ENOX2: variants seen among roughly 807,000 people sequenced by gnomAD.
ENOX2 encodes APK1 antigen.
ENOX2 carries 36 observed loss-of-function variants against 45.0 expected under a neutral mutation model. The ratio of observed to expected loss-of-function variants is 0.80; its 90% CI spans 0.61 to 1.06. ENOX2 has a LOEUF of 1.06. Among genes scored for constraint, ENOX2 ranks in the 50% least tolerant of loss-of-function variants. The pLI is 0.00. For synonymous variants in ENOX2, 174 were observed against 152.3 expected (o/e 1.14, Z -1.05); for missense variants, 423 against 462.5 (o/e 0.91, Z 0.78).
intron 2 of ENOX2, among the ~76,000 whole-genome samples, chrX:130,799,332 G>A (rs897512262): frequency 8.9e-6 from 1 of 111,919 alleles, no homozygotes; most frequent in Non-Finnish European, 1.9e-5. Context: ...TCAGGCCTTT[G>A]GCCACAGACT....
intron 12 of ENOX2, among the ~76,000 whole-genome samples, chrX:130,632,562 A>G (rs1289867217): frequency 1.8e-5 from 2 of 111,842 alleles, no homozygotes; most frequent in African/African-American, 6.5e-5. Flanking sequence ...TACTGCTGAA[A>G]AGAAAATGCT....
At position 130,688,858 on chromosome X, in the gene ENOX2, A is replaced by G. The variant is rs756197989; in HGVS notation, c.253+5T>C. 8.5e-7 allele frequency: 1 copy of G among 1,179,925 alleles called. No individual in the cohort carries two copies. The highest frequency in any genetic ancestry group is 1.1e-6 in the Non-Finnish European group (1 of 874,200). On this transcript the variant is annotated splice_donor_5th_base_variant and intron_variant, in intron 5 of 14. Transcript: ENST00000394363. The stretch of plus-strand genomic sequence containing the variant: ...TCTTGTGTGGAGAAAAAAGCAGAAT[A>G]TTACTTGGATTTGGAGGGAAGAGCG...
intron 3 of ENOX2, among the ~76,000 whole-genome samples, chrX:130,751,099 A>C (rs1014359395): frequency 9.0e-6 from 1 of 111,653 alleles, no homozygotes; most frequent in African/African-American, 3.3e-5. Context: ...AATTAAGTAC[A>C]TTCACACTGT....
intron 2 of ENOX2, among the ~76,000 whole-genome samples, chrX:130,869,930 C>T (rs2078545763): frequency 1.8e-5 from 2 of 112,226 alleles, no homozygotes; most frequent in African/African-American, 6.5e-5. Flanking sequence ...CAGTAGTATG[C>T]AGGCCTTGCT....
intron 2 of ENOX2, among the ~76,000 whole-genome samples, chrX:130,863,612 A>T (rs940886452): frequency 4.5e-5 from 5 of 112,303 alleles, no homozygotes; most frequent in African/African-American, 1.3e-4. Flanking sequence ...TCATGAAATT[A>T]ATTTAGTTAA....
At chrX:130,749,978 C>T (rs902388711) in intron 3 of ENOX2, among the ~76,000 whole-genome samples, 3 of 110,467 alleles carry the variant, frequency 2.7e-5, no homozygotes, top group Admixed American at 9.7e-5. Flanking sequence ...CTCTCAGGTT[C>T]TGTCTCTTTG....
At chrX:130,748,011 T>C (rs760520526) in intron 3 of ENOX2, among the ~76,000 whole-genome samples, 8 of 112,223 alleles carry the variant, frequency 7.1e-5, no homozygotes, top group Non-Finnish European at 1.5e-4. Flanking sequence ...CATTAGGCTC[T>C]TGTTTTCCCC....
At chrX:130,767,442 T>C (rs909090172) in intron 3 of ENOX2, among the ~76,000 whole-genome samples, 5 of 111,419 alleles carry the variant, frequency 4.5e-5, no homozygotes, top group Non-Finnish European at 3.8e-5. Context: ...ACGGAAAATA[T>C]TTTGAGTTCA....
chrX:130,784,666 C>A (rs1192066473), intron 2 of ENOX2, among the ~76,000 whole-genome samples: 2 of 104,462 alleles, frequency 1.9e-5, no homozygotes, highest in Non-Finnish European at 3.9e-5. Context: ...TGGCTCACTG[C>A]AACCCCCACC....
intron 2 of ENOX2, among the ~76,000 whole-genome samples, chrX:130,821,742 T>TAAAAAAAAAAAAAAAAAAAAAAAA: frequency 1.7e-4 from 4 of 23,187 alleles, no homozygotes; most frequent in Admixed American, 6.4e-4. Flanking sequence ...ATAAATAAAT[T>TAAAAAAAAAAAAAAAAAAAAAAAA]AAAAAAAAAA....
At chrX:130,638,672 C>T (rs1455346289) in intron 10 of ENOX2, among the ~76,000 whole-genome samples, 1 of 111,449 alleles carries the variant, frequency 9.0e-6, no homozygotes, top group Non-Finnish European at 1.9e-5. Flanking sequence ...CAAACAGCTG[C>T]CCCCAAAACA....
At chrX:130,661,581 G>A (rs1348492024) in intron 9 of ENOX2, among the ~76,000 whole-genome samples, 1 of 111,861 alleles carries the variant, frequency 8.9e-6, no homozygotes, top group Non-Finnish European at 1.9e-5. Context: ...CTACACTTAT[G>A]TAGAAATTTG....
chrX:130,661,047 G>A (rs1245889142), intron 9 of ENOX2, among the ~76,000 whole-genome samples: 1 of 112,050 alleles, frequency 8.9e-6, no homozygotes, highest in Non-Finnish European at 1.9e-5. Context: ...ATCATAAATT[G>A]TTACACATTA....
chrX:130,808,688 C>G (rs1039891972), intron 2 of ENOX2, among the ~76,000 whole-genome samples: 1 of 111,251 alleles, frequency 9.0e-6, no homozygotes, highest in African/African-American at 3.3e-5. Flanking sequence ...AGATCCCAAA[C>G]TCTGGCAAAC....
chrX:130,626,365 A>T (rs2035546885), intron 14 of ENOX2, among the ~76,000 whole-genome samples: 1 of 112,190 alleles, frequency 8.9e-6, no homozygotes, highest in Admixed American at 9.4e-5. Flanking sequence ...TAATGTGTAT[A>T]GATATATACA....
chrX:130,785,628 TA>T (rs938226734), intron 2 of ENOX2, among the ~76,000 whole-genome samples: 19 of 110,764 alleles, frequency 1.7e-4, no homozygotes, highest in African/African-American at 4.9e-4. Context: ...TGCTATGTAC[TA>T]AAAAAAAATT....
intron 10 of ENOX2, among the ~76,000 whole-genome samples, chrX:130,644,254 T>C (rs964617057): frequency 2.7e-5 from 3 of 112,424 alleles, no homozygotes; most frequent in Non-Finnish European, 5.6e-5. Context: ...CTAACACTAA[T>C]AATCTAAGCT....
chrX:130,766,753 G>A (rs1052168713), intron 3 of ENOX2, among the ~76,000 whole-genome samples: 7 of 111,382 alleles, frequency 6.3e-5, no homozygotes, highest in Admixed American at 1.9e-4. Context: ...ATGCACATGG[G>A]TCTATTTCTG....
rs1169348417 is a variant in ENOX2, at chrX:130,648,874, G to A, written c.1129+7707C>T. ...ACCATTCTGGCCAACATGAAACCCC[G>A]TCTCTACTAAAAATACAAAAATTAG... On this transcript the variant is annotated intron_variant, in intron 10 of 14. Transcript: ENST00000394363. 2.8e-5 allele frequency among the ~76,000 whole-genome samples: 3 copies of A among 106,502 alleles called. 1 individual carries two copies. The highest frequency in any genetic ancestry group is 5.8e-5 in the Non-Finnish European group (3 of 51,710). The allele number at this position is 106,502 out of a possible 115,157, so 92.5% of individuals were successfully genotyped here.
Sources: gnomAD v4.1 joint callset for allele counts (sites outside exome capture counted in the v4.1 genomes callset) on GRCh38, gnomAD v4.1.1 for gene constraint, MANE v1.5 for transcripts, NCBI Gene and HGNC (gene_info 2026-07-23, HGNC 2026-07-21) for gene names.